SCCPDH: variants seen among roughly 807,000 people sequenced by gnomAD.
The protein encoded by SCCPDH is saccharopine dehydrogenase (putative), also known as saccharopine dehydrogenase-like oxidoreductase.
A neutral mutation model predicts 51.5 loss-of-function variants in SCCPDH; 34 were observed. The observed-to-expected ratio is 0.66, with a 90% confidence interval of 0.50 to 0.88. The LOEUF (loss-of-function observed/expected upper bound fraction) is 0.88, where lower values mean the gene tolerates loss of function less well. SCCPDH is among the 40% of genes least tolerant of loss of function. The pLI is 0.00. For missense variants in SCCPDH, 464 were observed against 527.1 expected, an observed-to-expected ratio of 0.88 and a Z score of 1.17; for synonymous variants, 187 against 191.3, an observed-to-expected ratio of 0.98 and a Z score of 0.19.
At chr1:246,738,863 A>AAAACC (rs1668637372) in intron 3 of SCCPDH, among the ~76,000 whole-genome samples, 1 of 152,260 alleles carries the variant, frequency 6.6e-6, no homozygotes, top group Non-Finnish European at 1.5e-5. Flanking sequence ...AAAACAAAAC[A>AAAACC]AAACCAAAAA....
chr1:246,754,218 AC>A (rs904381080), intron 5 of SCCPDH, among the ~76,000 whole-genome samples: 5 of 151,710 alleles, frequency 3.3e-5, no homozygotes, highest in Non-Finnish European at 5.9e-5. Flanking sequence ...GCACAGAGTT[AC>A]CTGGTCGCTG....
chr1:246,747,146 G>C (rs1377281245), intron 5 of SCCPDH, among the ~76,000 whole-genome samples: 2 of 151,936 alleles, frequency 1.3e-5, no homozygotes, highest in African/African-American at 2.4e-5. Context: ...TTCCCCTCTT[G>C]TTTCTCCCTT....
At chr1:246,766,649 C>G (rs992853465) in intron 11 of SCCPDH, among the ~76,000 whole-genome samples, 1 of 152,174 alleles carries the variant, frequency 6.6e-6, no homozygotes, top group African/African-American at 2.4e-5. Flanking sequence ...GAGAAGTAAA[C>G]CAGGCATGAC....
intron 2 of SCCPDH, among the ~76,000 whole-genome samples, chr1:246,734,640 G>T (rs562648255): frequency 6.6e-6 from 1 of 152,174 alleles, no homozygotes; most frequent in South Asian, 2.1e-4. Context: ...AGGTAAGAGG[G>T]CAGCCCATCT....
At chr1:246,741,052 C>T (rs1668668723) in intron 4 of SCCPDH, among the ~76,000 whole-genome samples, 1 of 152,060 alleles carries the variant, frequency 6.6e-6, no homozygotes, top group South Asian at 2.1e-4. Flanking sequence ...CCACTGCACT[C>T]TAGCCTGGGT....
intron 2 of SCCPDH, among the ~76,000 whole-genome samples, chr1:246,730,706 T>C (rs1668479549): frequency 1.3e-5 from 2 of 152,168 alleles, no homozygotes; most frequent in African/African-American, 4.8e-5. Flanking sequence ...CCACCCTCAG[T>C]GGATCATTCT....
At chr1:246,753,023 G>C (rs1250815082) in intron 5 of SCCPDH, among the ~76,000 whole-genome samples, 2 of 150,444 alleles carry the variant, frequency 1.3e-5, no homozygotes, top group Non-Finnish European at 3.0e-5. Context: ...TTGCCTCTCT[G>C]TCTCTTTCTC....
intron 5 of SCCPDH, 108 bp from the exon 6 acceptor site, chr1:246,758,118 T>G: frequency 1.2e-6 from 1 of 849,472 alleles, no homozygotes; most frequent in Admixed American, 3.0e-5. Flanking sequence ...GGATTATGTC[T>G]TGTCCAAATA....
chr1:246,746,435 G>T (rs1480573119), intron 5 of SCCPDH, among the ~76,000 whole-genome samples: 1 of 152,176 alleles, frequency 6.6e-6, no homozygotes, highest in Non-Finnish European at 1.5e-5. Context: ...AGGACGCGGC[G>T]CCGGGCTGTC....
chr1:246,760,174 C>A lies in SCCPDH; in HGVS notation c.937C>A (p.Pro313Thr). 1 of 1,608,226 alleles carries A rather than the reference C, an allele frequency of 6.2e-7. No homozygotes were observed. The highest frequency in any genetic ancestry group is 1.7e-5 in the Admixed American group (1 of 59,300). The change falls in exon 9 of 12, where the codon CCA becomes ACA. Residue 313 changes from proline to threonine, a missense_variant. Pro to Thr is a conservative substitution (Grantham distance 38). Transcript: ENST00000366510. ...GIGRQLLIKFPWFFSFGYFSK... is the reference protein window; with the variant it reads ...GIGRQLLIKFTWFFSFGYFSK... ...GACGGTTTTTTTTTCCCTTTAGTTC[C>A]CATGGTTCTTCTCCTTTGGCTATTT...
At chr1:246,733,278 G>A (rs1668518771) in intron 2 of SCCPDH, among the ~76,000 whole-genome samples, 1 of 151,810 alleles carries the variant, frequency 6.6e-6, no homozygotes, top group African/African-American at 2.4e-5. Flanking sequence ...GTAGAGACAG[G>A]GTTTTGCCCT....
chr1:246,749,127 C>G (rs571453251), intron 5 of SCCPDH, among the ~76,000 whole-genome samples: 1 of 152,186 alleles, frequency 6.6e-6, no homozygotes. Context: ...ATCGCCTCGG[C>G]TGTAGGGTTC....
intron 5 of SCCPDH, among the ~76,000 whole-genome samples, chr1:246,749,588 C>T (rs1668820856): frequency 6.6e-6 from 1 of 152,114 alleles, no homozygotes; most frequent in Non-Finnish European, 1.5e-5. Context: ...TTCAGCTGAC[C>T]ATGGGGAGGG....
intron 2 of SCCPDH, among the ~76,000 whole-genome samples, chr1:246,733,806 A>G (rs1485743545): frequency 6.6e-6 from 1 of 152,220 alleles, no homozygotes; most frequent in South Asian, 2.1e-4. Context: ...GGAAGAGAAA[A>G]TAAAAGGAAA....
chr1:246,747,944 A>G (rs1668786318), intron 5 of SCCPDH, among the ~76,000 whole-genome samples: 2 of 152,186 alleles, frequency 1.3e-5, no homozygotes, highest in South Asian at 4.1e-4. Context: ...AACATAACTG[A>G]CACATTGGTT....
chr1:246,756,743 T>G (rs1182632895), intron 5 of SCCPDH, among the ~76,000 whole-genome samples: 1 of 152,222 alleles, frequency 6.6e-6, no homozygotes, highest in Admixed American at 6.5e-5. Context: ...AAGTTAGATT[T>G]GGTATCTCTG....
chr1:246,736,497 C>T (rs1051515880), intron 3 of SCCPDH, among the ~76,000 whole-genome samples: 2 of 151,948 alleles, frequency 1.3e-5, no homozygotes, highest in African/African-American at 2.4e-5. Flanking sequence ...GTCAGGAGAT[C>T]GAGACCATCC....
chr1:246,744,465 T>G (rs1668728448), intron 5 of SCCPDH, among the ~76,000 whole-genome samples: 1 of 152,054 alleles, frequency 6.6e-6, no homozygotes, highest in Non-Finnish European at 1.5e-5. Context: ...ATTACAGGCA[T>G]GTACCACCAC....
At chr1:246,758,556 A>G (rs1225190911) in intron 6 of SCCPDH, among the ~76,000 whole-genome samples, 200 bp downstream of exon 6, 1 of 152,206 alleles carries the variant, frequency 6.6e-6, no homozygotes, top group African/African-American at 2.4e-5. Context: ...ATCCATTACC[A>G]TAAGCTTAAG....
Sources: allele counts gnomAD v4.1 joint callset (sites outside exome capture counted in the v4.1 genomes callset), GRCh38; gene constraint gnomAD v4.1.1; transcripts MANE v1.5; gene names NCBI Gene and HGNC (gene_info 2026-07-23, HGNC 2026-07-21).